Variants in ST3GAL3 observed in about 807,000 individuals in gnomAD.
ST3GAL3 encodes the protein ST3 beta-galactoside alpha-2,3-sialyltransferase 3, also known as CMP-N-acetylneuraminate-beta-1,4-galactoside alpha-2,3-sialyltransferase.
ST3GAL3 carries 21 observed loss-of-function variants against 50.1 expected under a neutral mutation model. The ratio of observed to expected loss-of-function variants is 0.42; its 90% CI spans 0.30 to 0.60. ST3GAL3 has a LOEUF of 0.60. ST3GAL3 is among the 20% of genes least tolerant of loss of function. The pLI, the probability that ST3GAL3 is intolerant of heterozygous loss-of-function variation, is 0.19. For synonymous variants in ST3GAL3, 183 were observed against 190.0 expected (o/e 0.96, Z 0.30); for missense variants, 353 against 489.4 (o/e 0.72, Z 2.63).
At chr1:43,769,881 A>G (rs1694426152) in intron 2 of ST3GAL3, among the ~76,000 whole-genome samples, 1 of 152,130 alleles carries the variant, frequency 6.6e-6, no homozygotes, top group Non-Finnish European at 1.5e-5. Context: ...TTATTCATAT[A>G]ACAGGTCTTT....
Position 43,899,798 on chromosome 1 carries a change from C to A in ST3GAL3, c.744+71C>A. 1 of 1,413,612 alleles carries A rather than the reference C, an allele frequency of 7.1e-7. No individual in the cohort carries two copies. The highest frequency in any genetic ancestry group is 1.2e-5 in the South Asian group (1 of 85,818). The allele number at this position is 1,413,612 out of a possible 1,614,324, so 87.6% of individuals were successfully genotyped here. A position where few individuals can be genotyped will look rare whatever the true frequency, so the allele number is the denominator to read the frequency against. On this transcript the variant is annotated intron_variant, in intron 9 of 11. Coordinates refer to ENST00000347631, the MANE Select transcript of ST3GAL3 (RefSeq NM_006279.5). The surrounding 1 kb of genome is among the most constrained non-coding windows in gnomAD (Gnocchi z 5.4). ...CCGCAACTCCTAAGCAATCCCGCCC[C>A]TTGAATGCAGCAAAGAACGAGTAAG... is the stretch of plus-strand genomic sequence containing the variant.
intron 2 of ST3GAL3, among the ~76,000 whole-genome samples, chr1:43,741,063 A>G (rs2154097428): frequency 6.6e-6 from 1 of 152,326 alleles, no homozygotes; most frequent in Non-Finnish European, 1.5e-5. Flanking sequence ...GAGGTGGCTC[A>G]TGCCTATAAT....
chr1:43,898,135 C>A, intron 6 of ST3GAL3, 100 bp from the exon 7 acceptor site: 1 of 1,293,094 alleles, frequency 7.7e-7, no homozygotes, highest in South Asian at 1.2e-5. Context: ...CACTTTCACT[C>A]TAGCCCCTAG....
intron 4 of ST3GAL3, among the ~76,000 whole-genome samples, chr1:43,817,610 C>T (rs146322992): frequency 1.7e-5 from 2 of 118,116 alleles, no homozygotes; most frequent in Non-Finnish European, 3.5e-5. Flanking sequence ...TTCTCCTTCT[C>T]CTCCTTCTCC....
At chr1:43,912,650 C>A (rs901973470) in intron 9 of ST3GAL3, 8 of 152,346 alleles carry the variant, frequency 5.3e-5, no homozygotes, top group Admixed American at 4.6e-4. Flanking sequence ...CCTACTCTTG[C>A]TGTGAAAGCC....
intron 2 of ST3GAL3, among the ~76,000 whole-genome samples, chr1:43,753,953 C>G (rs1687114715): frequency 6.6e-6 from 1 of 152,192 alleles, no homozygotes; most frequent in Admixed American, 6.5e-5. Context: ...ACTGTCTCCT[C>G]TCTCTCCAGT....
chr1:43,877,989 A>C (rs1482094948), intron 5 of ST3GAL3, among the ~76,000 whole-genome samples: 1 of 152,230 alleles, frequency 6.6e-6, no homozygotes, highest in Non-Finnish European at 1.5e-5. Flanking sequence ...CTGCCCTAAC[A>C]GATGATTCCC....
chr1:43,708,727 T>C (rs765359148), intron 1 of ST3GAL3, among the ~76,000 whole-genome samples: 83 of 152,342 alleles, frequency 5.4e-4, no homozygotes, highest in Middle Eastern at 3.4e-3. Context: ...TTTTGAGATA[T>C]TAAGTGGTGA....
intron 5 of ST3GAL3, chr1:43,841,383 TCCATA>T (rs2065349821): frequency 6.6e-6 from 1 of 152,262 alleles, no homozygotes. Flanking sequence ...GCCAAGCTTT[TCCATA>T]CATCCTCTGA....
chr1:43,873,109 TAA>T (rs544820596), intron 5 of ST3GAL3, among the ~76,000 whole-genome samples: 209 of 152,304 alleles, frequency 1.4e-3, no homozygotes, highest in Non-Finnish European at 2.5e-3. Flanking sequence ...ACTTCAGTTT[TAA>T]AGGATCCTTC....
chr1:43,723,036 C>T (rs1044777801), intron 1 of ST3GAL3, among the ~76,000 whole-genome samples: 1 of 151,888 alleles, frequency 6.6e-6, no homozygotes, highest in African/African-American at 2.4e-5. Flanking sequence ...TTGGTGCAGT[C>T]CCTGCATAAT....
chr1:43,894,598 A>G, intron 6 of ST3GAL3, 121 bp downstream of exon 6: 1 of 886,844 alleles, frequency 1.1e-6, no homozygotes, highest in East Asian at 2.4e-5. Flanking sequence ...TCTACTCTCA[A>G]CAAATCTTCT....
intron 1 of ST3GAL3, among the ~76,000 whole-genome samples, chr1:43,722,204 A>G (rs766487148): frequency 6.6e-6 from 1 of 152,162 alleles, no homozygotes; most frequent in Non-Finnish European, 1.5e-5. Context: ...AAAGATAAGT[A>G]AGAGTTGGCT....
intron 5 of ST3GAL3, chr1:43,841,841 C>T (rs1423755250): frequency 1.3e-5 from 2 of 152,228 alleles, no homozygotes; most frequent in Non-Finnish European, 2.9e-5. Context: ...CAAATTTTCC[C>T]AATTTTTATG....
At chr1:43,805,658 C>A (rs1317796593) in intron 3 of ST3GAL3, among the ~76,000 whole-genome samples, 1 of 152,212 alleles carries the variant, frequency 6.6e-6, no homozygotes, top group East Asian at 1.9e-4. Context: ...TGTATAATCA[C>A]AAACTGGAGA....
At position 43,765,163 on chromosome 1, in the gene ST3GAL3, G is replaced by A. The variant is rs531605740; in HGVS notation, c.119-26939G>A. ...ATCTGGTGCAGTTCTATATTGGTGGGGAGGAATTCTGCTCTACCTAATTCA... is the reference window on the plus strand; with the variant it reads ...ATCTGGTGCAGTTCTATATTGGTGGAGAGGAATTCTGCTCTACCTAATTCA... On this transcript the variant is annotated intron_variant, in intron 2 of 11. Coordinates refer to ENST00000347631, the MANE Select transcript of ST3GAL3 (RefSeq NM_006279.5). Among the ~76,000 whole-genome samples the A allele has an allele frequency of 1.7e-4, 26 of 152,160 alleles. No individual in the cohort carries two copies. The South Asian group carries it at 5.4e-3, about 32-fold the overall frequency.
intron 5 of ST3GAL3, among the ~76,000 whole-genome samples, chr1:43,844,631 G>A (rs2065930334): frequency 6.6e-6 from 1 of 152,100 alleles, no homozygotes; most frequent in Non-Finnish European, 1.5e-5. Context: ...CTAACACGGT[G>A]AAACCCCGTC....
At chr1:43,810,910 T>G (rs1256791652) in intron 3 of ST3GAL3, among the ~76,000 whole-genome samples, 1 of 150,346 alleles carries the variant, frequency 6.7e-6, no homozygotes, top group Non-Finnish European at 1.5e-5. Context: ...TCCAGTCACT[T>G]TCGGTCACCC....
chr1:43,717,143 A>C (rs1169027670), intron 1 of ST3GAL3, among the ~76,000 whole-genome samples: 2 of 152,162 alleles, frequency 1.3e-5, no homozygotes, highest in Non-Finnish European at 2.9e-5. Context: ...AGCCTCCCAG[A>C]CAATTATTAA....
Sources: gnomAD v4.1 joint callset for allele counts (sites outside exome capture counted in the v4.1 genomes callset) on GRCh38, gnomAD v4.1.1 for gene constraint, Gnocchi (gnomAD v3.1) non-coding constraint, MANE v1.5 for transcripts, NCBI Gene and HGNC (gene_info 2026-07-23, HGNC 2026-07-21) for gene names.